Variants in RALGDS observed in about 807,000 individuals in gnomAD.
RALGDS encodes ral guanine nucleotide dissociation stimulator, also known as ral guanine nucleotide exchange factor.
RALGDS carries 44 observed loss-of-function variants against 99.8 expected under a neutral mutation model. The observed-to-expected ratio is 0.44, with a 90% CI of 0.35 to 0.57. The LOEUF (loss-of-function observed/expected upper bound fraction) is 0.57. RALGDS is among the 20% of genes least tolerant of loss of function. RALGDS has a pLI of 0.01. For synonymous variants in RALGDS, 529 were observed against 505.0 expected (o/e 1.05, Z -0.64); for missense variants, 1,022 against 1,203.1 (o/e 0.85, Z 2.23).
chr9:133,109,083 C>T (rs1367663069), intron 4 of RALGDS, among the ~76,000 whole-genome samples: 1 of 152,234 alleles, frequency 6.6e-6, no homozygotes, highest in East Asian at 1.9e-4. Context: ...TCTCCCAGCA[C>T]CCCCTCCTCG....
chr9:133,104,566 T>C, intron 9 of RALGDS: 1 of 545,028 alleles, frequency 1.8e-6, no homozygotes, highest in Non-Finnish European at 3.3e-6. Flanking sequence ...AATCCCAGCA[T>C]TTTGGAAGGC....
chr9:133,147,718 C>T (rs1037077885), intron 1 of RALGDS, among the ~76,000 whole-genome samples: 2 of 152,328 alleles, frequency 1.3e-5, no homozygotes, highest in African/African-American at 2.4e-5. Context: ...GCAGCAGCAG[C>T]CTCAGGCAGA....
At chr9:133,101,852 T>TTCAG in intron 15 of RALGDS, 86 bp downstream of exon 15, 1 of 1,551,862 alleles carries the variant, frequency 6.4e-7, no homozygotes, top group Non-Finnish European at 8.7e-7. Context: ...AGAAGCTGTG[T>TTCAG]TCAGGATCCA....
intron 1 of RALGDS, among the ~76,000 whole-genome samples, chr9:133,117,396 ATG>A (rs200961683): frequency 0.013 from 1,965 of 152,284 alleles, 23 homozygotes; most frequent in Non-Finnish European, 0.02. Flanking sequence ...CTCGGTTGAG[ATG>A]GACAAAAGTC....
rs759688584 is a variant in RALGDS at position 133,109,626 on chromosome 9, T to C, written c.584A>G (p.Asn195Ser). 1 of 1,611,368 alleles carries C rather than the reference T, an allele frequency of 6.2e-7. No individual in the cohort carries two copies. Among genetic ancestry groups the C allele is most frequent in the Admixed American group, 1.7e-5 (1 of 60,018 alleles). ...EDGGPQDQLK[N>S]AISSILGTWL... is the part of the protein sequence containing the mutation. ...TCCTCTTGGCTCAAAGCTCACTCAC[T>C]TTTTAAGTTGGTCCTGGGGTCCACC... Residue 195 changes from asparagine to serine, a missense_variant and splice_region_variant, in exon 4 of 18, where the codon AAT (asparagine) becomes AGT (serine). Around this residue, in one of 3 missense-constraint regions of RALGDS, gnomAD observed 825 missense variants for 994.5 expected, o/e 0.83. Coordinates refer to ENST00000372050, the MANE Select transcript of RALGDS (RefSeq NM_006266.4).
chr9:133,106,755 C>G lies in RALGDS; in HGVS notation c.1414-7G>C. The G allele has an allele frequency of 1.9e-6, 3 of 1,599,646 alleles. No homozygotes were observed. The highest frequency in any genetic ancestry group is 2.6e-6 in the Non-Finnish European group (3 of 1,168,972). On this transcript the variant is annotated splice_polypyrimidine_tract_variant and splice_region_variant and intron_variant, in intron 7 of 17. Transcript: ENST00000372050. ...TCTTGAGGATCCGGCACTCCTGGGG[C>G]GGGAAGAGCAGGAGGCATGAGGTGG...
At chr9:133,116,389 G>A (rs1460643176) in intron 1 of RALGDS, among the ~76,000 whole-genome samples, 1 of 152,258 alleles carries the variant, frequency 6.6e-6, no homozygotes, top group Non-Finnish European at 1.5e-5. Context: ...CCAGTGCTGA[G>A]CCCCGCAAAG....
Position 133,098,512 on chromosome 9 carries a change from G to A in RALGDS, c.*75C>T, listed in dbSNP as rs985963780. ...ACCCTGGGCTGGCAGGTGGGAGGAAGGCGCCCAGCTGGCCTGGGCCACTCT... is the reference window on the plus strand; with the variant it reads ...ACCCTGGGCTGGCAGGTGGGAGGAAAGCGCCCAGCTGGCCTGGGCCACTCT... On this transcript the variant is annotated 3_prime_UTR_variant, in exon 18 of 18. Coordinates refer to ENST00000372050, the MANE Select transcript of RALGDS (RefSeq NM_006266.4). The A allele has an allele frequency of 3.6e-5, 54 of 1,516,130 alleles. No individual in the cohort carries two copies. In the Admixed American group the frequency reaches 7.6e-4, roughly 21 times the overall value. The allele number at this position is 1,516,130 out of a possible 1,614,324, so 93.9% of individuals were successfully genotyped here.
upstream of RALGDS, among the ~76,000 whole-genome samples, chr9:133,131,895 A>G (rs186223888): frequency 7.2e-4 from 110 of 152,348 alleles, no homozygotes; most frequent in Non-Finnish European, 1.4e-3. Context: ...AGAACTCAGC[A>G]TGGGCTCGGC....
At chr9:133,146,494 C>T (rs1032619358) in intron 1 of RALGDS, among the ~76,000 whole-genome samples, 2 of 152,116 alleles carry the variant, frequency 1.3e-5, no homozygotes, top group Admixed American at 6.5e-5. Context: ...GCCCAGCCTC[C>T]GTTATGTTTA....
chr9:133,148,176 G>T (rs910014599), intron 1 of RALGDS, among the ~76,000 whole-genome samples: 17 of 152,228 alleles, frequency 1.1e-4, no homozygotes, highest in African/African-American at 3.6e-4. Context: ...ACGAGCCTGT[G>T]GGACCCTTGG....
At chr9:133,132,645 T>C (rs971931480), upstream of RALGDS, among the ~76,000 whole-genome samples, 13 of 150,622 alleles carry the variant, frequency 8.6e-5, no homozygotes, top group Non-Finnish European at 1.9e-4. Flanking sequence ...CTTTTTTTCT[T>C]TTTTTTTTGT....
chr9:133,101,344 GC>G, intron 16 of RALGDS, 175 bp downstream of exon 16: 1 of 1,481,894 alleles, frequency 6.7e-7, no homozygotes, highest in Non-Finnish European at 9.3e-7. Flanking sequence ...CTCCCCCTCT[GC>G]CCTCAGGCCA....
intron 1 of RALGDS, among the ~76,000 whole-genome samples, chr9:133,138,497 G>C (rs1832462398): frequency 6.6e-6 from 1 of 152,206 alleles, no homozygotes; most frequent in Non-Finnish European, 1.5e-5. Context: ...CAGCATCATG[G>C]TGGGCAGCTG....
chr9:133,105,859 CAG>C (rs1491569940), intron 9 of RALGDS, 71 bp downstream of exon 9: 497 of 14,168 alleles, frequency 0.035, 2 homozygotes, highest in South Asian at 0.13. Context: ...GCCCCCGCCC[CAG>C]CCCCAGCCCC....
chr9:133,108,670 C>T lies in RALGDS; in HGVS notation c.778+3G>A, dbSNP rs1200762568. ...CTCTGGCACCCACCCCAGTCCTCCTCACCCTCAGGCTCTGCCTCAATGGGT... is the reference window on the plus strand; with the variant it reads ...CTCTGGCACCCACCCCAGTCCTCCTTACCCTCAGGCTCTGCCTCAATGGGT... On this transcript the variant is annotated splice_donor_region_variant and intron_variant, in intron 5 of 17. Coordinates refer to ENST00000372050, the MANE Select transcript of RALGDS (RefSeq NM_006266.4). The T allele has an allele frequency of 6.2e-6, 10 of 1,613,198 alleles. No individual in the cohort carries two copies. Among genetic ancestry groups the T allele is most frequent in the Middle Eastern group, 1.7e-4 (1 of 5,792 alleles).
upstream of RALGDS, among the ~76,000 whole-genome samples, chr9:133,132,758 G>C (rs1832361193): frequency 6.6e-6 from 1 of 152,100 alleles, no homozygotes; most frequent in Non-Finnish European, 1.5e-5. Flanking sequence ...TCCTGTCTCA[G>C]CCTCCCGAGT....
intron 6 of RALGDS, 39 bp from the exon 7 acceptor site, chr9:133,107,339 C>T: frequency 2.6e-6 from 4 of 1,550,832 alleles, no homozygotes; most frequent in Non-Finnish European, 3.5e-6. Context: ...CCTGCCCCAG[C>T]AGTCTGGGCT....
At chr9:133,143,768 T>TAATAAC (rs1370857969) in intron 1 of RALGDS, among the ~76,000 whole-genome samples, 1 of 102,444 alleles carries the variant, frequency 9.8e-6, no homozygotes, top group Non-Finnish European at 1.8e-5. Flanking sequence ...ATAATAATAA[T>TAATAAC]AATAACAACA....
Sources: allele counts gnomAD v4.1 joint callset (sites outside exome capture counted in the v4.1 genomes callset), GRCh38; gene constraint gnomAD v4.1.1; regional missense constraint gnomAD v4.1.1; transcripts MANE v1.5; gene names NCBI Gene and HGNC (gene_info 2026-07-23, HGNC 2026-07-21).